Variants in CORO1C observed in about 807,000 individuals in gnomAD.
CORO1C encodes the protein coronin 1C, also known as coronin-1C.
In CORO1C, 14 loss-of-function variants were observed where a neutral mutation model predicts 51.2. That is an observed-to-expected ratio of 0.27 (90% CI 0.18 to 0.43). CORO1C has a LOEUF of 0.43. Among genes scored for constraint, CORO1C ranks in the 20% least tolerant of loss-of-function variants. The pLI is 1.00. For missense variants in CORO1C, 417 were observed against 607.8 expected (o/e 0.69, Z 3.30); for synonymous variants, 181 against 210.5 (o/e 0.86, Z 1.21).
In CORO1C at chr12:108,701,412, C is replaced by T. The variant is rs1047269877; in HGVS notation, c.-5-89G>A. On this transcript the variant is annotated intron_variant, in intron 1 of 10. Coordinates refer to ENST00000261401, the MANE Select transcript of CORO1C (RefSeq NM_014325.4). ...AATGAAATGCTCCAAGTAGGAAAAACAGAATGGTATGGCATTTTGTCTGCT... is the reference window on the plus strand; with the variant it reads ...AATGAAATGCTCCAAGTAGGAAAAATAGAATGGTATGGCATTTTGTCTGCT... 13 of 1,582,786 alleles carry T rather than the reference C, an allele frequency of 8.2e-6. No homozygotes were observed. The African/African-American group carries it at 1.5e-4, about 18-fold the overall frequency.
intron 8 of CORO1C, chr12:108,649,348 T>G: frequency 5.4e-6 from 2 of 368,856 alleles, no homozygotes; most frequent in Non-Finnish European, 1.0e-5. Flanking sequence ...CTGACTCACT[T>G]ATGAAAAAAT....
chr12:108,679,517 A>G (rs1477231260), intron 2 of CORO1C, among the ~76,000 whole-genome samples: 2 of 152,264 alleles, frequency 1.3e-5, no homozygotes, highest in Non-Finnish European at 2.9e-5. Flanking sequence ...ATGCCAGTCC[A>G]CGCTGAAGCT....
chr12:108,727,255 T>A (rs1224032386), intron 1 of CORO1C, among the ~76,000 whole-genome samples: 1 of 152,178 alleles, frequency 6.6e-6, no homozygotes, highest in Non-Finnish European at 1.5e-5. Context: ...CTGATGAATG[T>A]ACAATACATG....
intron 2 of CORO1C, among the ~76,000 whole-genome samples, chr12:108,679,109 C>CAAAAAAAAAAAA (rs1183326267): frequency 2.3e-4 from 5 of 22,154 alleles, no homozygotes; most frequent in Non-Finnish European, 3.9e-4. Context: ...GACTCTGTCT[C>CAAAAAAAAAAAA]AAAAAAAAAA....
intron 2 of CORO1C, among the ~76,000 whole-genome samples, chr12:108,683,209 G>C (rs2034182901): frequency 6.6e-6 from 1 of 152,140 alleles, no homozygotes; most frequent in Non-Finnish European, 1.5e-5. Context: ...CATGAGGTTA[G>C]GAGTTCGGGA....
chr12:108,704,716 G>A lies in CORO1C; in HGVS notation c.-5-3393C>T, dbSNP rs2034978199. On this transcript the variant is annotated intron_variant, in intron 1 of 10. Transcript: ENST00000261401. ...TCAAATCTGATCTGGGCTCACCTGT[G>A]TACATGTGGCATAGCCGCTTTTCTT... Among the ~76,000 whole-genome samples the A allele has an allele frequency of 2.0e-5, 3 of 152,206 alleles. No homozygotes were observed. In the East Asian group the frequency reaches 5.8e-4, roughly 29 times the overall value.
intron 1 of CORO1C, among the ~76,000 whole-genome samples, chr12:108,729,275 G>A (rs1286899756): frequency 6.6e-6 from 1 of 152,076 alleles, no homozygotes; most frequent in East Asian, 1.9e-4. Flanking sequence ...CACTGACACC[G>A]AATCTAATCC....
intron 1 of CORO1C, among the ~76,000 whole-genome samples, chr12:108,728,994 G>A (rs965151322): frequency 2.0e-5 from 3 of 152,062 alleles, no homozygotes; most frequent in African/African-American, 7.2e-5. Context: ...GAGGTCAAAG[G>A]TAAAACAGAC....
chr12:108,654,493 C>A (rs2136799658), intron 6 of CORO1C, 83 bp from the exon 7 acceptor site: 1 of 725,470 alleles, frequency 1.4e-6, no homozygotes. Context: ...ATTATATATT[C>A]TTCTATCCCA....
Position 108,695,770 on chromosome 12 carries a change from C to T in CORO1C, c.195+5354G>A, listed in dbSNP as rs1167783130. 1.3e-4 allele frequency among the ~76,000 whole-genome samples: 20 copies of T among 148,544 alleles called. No homozygotes were observed. In the Admixed American group the frequency reaches 1.4e-3, roughly 10 times the overall value. On this transcript the variant is annotated intron_variant, in intron 2 of 10. Transcript: ENST00000261401. ...TCTATAAGAAATTAAAGTCCTAATG[C>T]TCTAATATATGCTATTATAGGCAAT...
intron 1 of CORO1C, among the ~76,000 whole-genome samples, chr12:108,726,152 G>T (rs2136891834): frequency 6.6e-6 from 1 of 152,262 alleles, no homozygotes; most frequent in South Asian, 2.1e-4. Context: ...TTTAATTAAA[G>T]TATTTTAAAA....
rs1428829406 is a variant in CORO1C, at chr12:108,658,974, A to G, written c.449-55T>C. The G allele has an allele frequency of 3.9e-6, 6 of 1,537,722 alleles. No individual in the cohort carries two copies. In the African/African-American group the frequency reaches 8.2e-5, roughly 21 times the overall value. ...AAGATTAGAAACACCTATGTAACAC[A>G]CTCAGAAAACTACAGATACAGTGAG... On this transcript the variant is annotated intron_variant, in intron 4 of 10. Coordinates refer to ENST00000261401, the MANE Select transcript of CORO1C (RefSeq NM_014325.4). The surrounding 1 kb of genome is among the most constrained non-coding windows in gnomAD (Gnocchi z 4.9).
intron 1 of CORO1C, chr12:108,702,906 C>A: frequency 6.5e-7 from 1 of 1,535,688 alleles, no homozygotes. Context: ...CTTAGCCCAG[C>A]TGTTATTGCC....
intron 1 of CORO1C, among the ~76,000 whole-genome samples, chr12:108,707,187 TG>T (rs1760283696): frequency 1.3e-5 from 2 of 152,158 alleles, no homozygotes; most frequent in Admixed American, 6.5e-5. Flanking sequence ...ATGAAGGGAT[TG>T]ATTGGAACTG....
chr12:108,697,576 A>G (rs140369934), intron 2 of CORO1C, among the ~76,000 whole-genome samples: 8 of 152,354 alleles, frequency 5.3e-5, no homozygotes, highest in Admixed American at 2.6e-4. Flanking sequence ...CCAAGACACT[A>G]AAGTTGTAGG....
intron 3 of CORO1C, among the ~76,000 whole-genome samples, chr12:108,662,804 T>C (rs1442114401): frequency 6.6e-6 from 1 of 152,088 alleles, no homozygotes; most frequent in Non-Finnish European, 1.5e-5. Flanking sequence ...ATAGAAAATA[T>C]TACAAAAGAA....
chr12:108,707,398 C>A (rs2035057915), intron 1 of CORO1C, among the ~76,000 whole-genome samples: 1 of 152,174 alleles, frequency 6.6e-6, no homozygotes, highest in Non-Finnish European at 1.5e-5. Flanking sequence ...CTTTGGTCAA[C>A]TGATTTTCAA....
intron 3 of CORO1C, among the ~76,000 whole-genome samples, chr12:108,662,687 A>G (rs748064949): frequency 1.3e-5 from 2 of 152,254 alleles, no homozygotes; most frequent in Admixed American, 6.5e-5. Flanking sequence ...GAAGACACTT[A>G]GCTAAGTCTG....
chr12:108,662,916 C>A (rs78091339), intron 3 of CORO1C, among the ~76,000 whole-genome samples: 8,696 of 152,114 alleles, frequency 0.057, 515 homozygotes, highest in East Asian at 0.32. Context: ...AAATAACTTA[C>A]AAATCATACA....
Sources: gnomAD v4.1 joint callset for allele counts (sites outside exome capture counted in the v4.1 genomes callset) on GRCh38, gnomAD v4.1.1 for gene constraint, Gnocchi (gnomAD v3.1) non-coding constraint, MANE v1.5 for transcripts, NCBI Gene and HGNC (gene_info 2026-07-23, HGNC 2026-07-21) for gene names.